FARS2: variants seen among roughly 807,000 people sequenced by gnomAD.
FARS2 encodes the protein phenylalanine--tRNA ligase, mitochondrial.
In FARS2, 40 loss-of-function variants were observed where a neutral mutation model predicts 46.4. That is an observed-to-expected ratio of 0.86 (90% confidence interval 0.67 to 1.12). The LOEUF (loss-of-function observed/expected upper bound fraction) is 1.12, where lower values mean the gene tolerates loss of function less well. Among genes scored for constraint, FARS2 ranks in the 50% most tolerant of loss-of-function variants. The probability of loss-of-function intolerance (pLI) is 0.00; values close to 1 mark genes in which losing one functional copy is unlikely to be tolerated. For synonymous variants in FARS2, 234 were observed against 214.9 expected, an observed-to-expected ratio of 1.09 and a Z score of -0.78; for missense variants, 513 against 567.9, an observed-to-expected ratio of 0.90 and a Z score of 0.98.
intron 4 of FARS2, among the ~76,000 whole-genome samples, chr6:5,448,037 C>G (rs544055668): frequency 3.0e-4 from 46 of 152,318 alleles, no homozygotes; most frequent in Non-Finnish European, 3.8e-4. Context: ...ATAGCACATT[C>G]AAAGATACAG....
At chr6:5,443,817 T>TA (rs1763976487) in intron 4 of FARS2, among the ~76,000 whole-genome samples, 1 of 152,252 alleles carries the variant, frequency 6.6e-6, no homozygotes, top group South Asian at 2.1e-4. Context: ...ATAGAATGCT[T>TA]AAGAGTCTCT....
At chr6:5,686,000 G>A (rs560675181) in intron 6 of FARS2, among the ~76,000 whole-genome samples, 2 of 152,270 alleles carry the variant, frequency 1.3e-5, no homozygotes, top group East Asian at 3.9e-4. Context: ...GGATTCCCAC[G>A]TGAAGGGTGA....
intron 6 of FARS2, among the ~76,000 whole-genome samples, chr6:5,655,026 G>T (rs1777543550): frequency 6.6e-6 from 1 of 152,186 alleles, no homozygotes; most frequent in African/African-American, 2.4e-5. Context: ...TACAAAATAT[G>T]TGTTAACCAT....
At position 5,432,528 on chromosome 6, in the gene FARS2, T is replaced by TATATA. The variant is rs59122142; in HGVS notation, c.904+1356_904+1357insATATA. On this transcript the variant is annotated intron_variant, in intron 4 of 6. Transcript: ENST00000274680. ...TTTATATCCCAATCATATATATATA[T>TATATA]TTTTTTTTTTCAGAGTATAAATCCT... is the stretch of plus-strand genomic sequence containing the variant. 1.6e-3 allele frequency among the ~76,000 whole-genome samples: 191 copies of TATATA among 121,744 alleles called. 3 individuals carry two copies. Among genetic ancestry groups the TATATA allele is most frequent in the African/African-American group, 6.4e-3 (183 of 28,782 alleles). 79.9% of individuals were successfully genotyped at this position (121,744 alleles called of 152,430 possible).
intron 1 of FARS2, among the ~76,000 whole-genome samples, chr6:5,345,350 T>C (rs1757161713): frequency 6.6e-6 from 1 of 152,218 alleles, no homozygotes; most frequent in African/African-American, 2.4e-5. Context: ...GGCAAGCTGC[T>C]ATTTTTGATT....
chr6:5,605,825 A>G (rs1309723564), intron 5 of FARS2, among the ~76,000 whole-genome samples: 1 of 152,248 alleles, frequency 6.6e-6, no homozygotes, highest in African/African-American at 2.4e-5. Flanking sequence ...AAAATTCTGA[A>G]TAAGAGGCAA....
At chr6:5,601,831 A>G (rs1774536421) in intron 5 of FARS2, among the ~76,000 whole-genome samples, 1 of 152,106 alleles carries the variant, frequency 6.6e-6, no homozygotes, top group Admixed American at 6.5e-5. Context: ...TCATATAATC[A>G]CAATCAAAAT....
chr6:5,334,223 A>G (rs935755563), intron 1 of FARS2, among the ~76,000 whole-genome samples: 1 of 152,200 alleles, frequency 6.6e-6, no homozygotes, highest in East Asian at 1.9e-4. Flanking sequence ...AAAATAGTTT[A>G]ATCACAGTGG....
intron 5 of FARS2, among the ~76,000 whole-genome samples, chr6:5,576,266 G>A (rs1772956320): frequency 6.6e-6 from 1 of 152,092 alleles, no homozygotes; most frequent in Admixed American, 6.6e-5. Flanking sequence ...CAGTGGGCTA[G>A]GAAAGGCAGA....
chr6:5,432,994 T>C (rs1763317189), intron 4 of FARS2, among the ~76,000 whole-genome samples: 1 of 152,140 alleles, frequency 6.6e-6, no homozygotes, highest in Non-Finnish European at 1.5e-5. Flanking sequence ...TTCATCCTGC[T>C]GAGGAAGCCT....
chr6:5,278,904 C>T (rs920548369), intron 1 of FARS2, among the ~76,000 whole-genome samples: 3 of 152,172 alleles, frequency 2.0e-5, no homozygotes, highest in Non-Finnish European at 4.4e-5. Flanking sequence ...CTTCAGGCAT[C>T]CTCAGGAGGC....
At chr6:5,257,984 A>C (rs1259081074), upstream of FARS2, among the ~76,000 whole-genome samples, 1 of 152,138 alleles carries the variant, frequency 6.6e-6, no homozygotes, top group African/African-American at 2.4e-5. Context: ...AGTTGGGAAA[A>C]CTTTTGTTCA....
chr6:5,389,266 G>T (rs12525112), intron 2 of FARS2, among the ~76,000 whole-genome samples: 34,642 of 151,948 alleles, frequency 0.23, 4,244 homozygotes, highest in East Asian at 0.49. Flanking sequence ...CACTGTGTTA[G>T]GCGAGTACTA....
At chr6:5,436,105 AC>A (rs1246797678) in intron 4 of FARS2, among the ~76,000 whole-genome samples, 6 of 152,220 alleles carry the variant, frequency 3.9e-5, no homozygotes, top group Non-Finnish European at 8.8e-5. Flanking sequence ...AGTATTCATA[AC>A]AGGGGTACCG....
intron 6 of FARS2, among the ~76,000 whole-genome samples, chr6:5,691,993 C>T (rs567579482): frequency 7.9e-5 from 12 of 152,186 alleles, no homozygotes; most frequent in Admixed American, 1.3e-4. Context: ...GAGCCAGGCG[C>T]GGGATATAAT....
intron 6 of FARS2, among the ~76,000 whole-genome samples, chr6:5,726,968 A>T (rs1219841049): frequency 6.6e-6 from 1 of 152,202 alleles, no homozygotes; most frequent in African/African-American, 2.4e-5. Context: ...CTTGGTTAAA[A>T]CAAGCACAGT....
At chr6:5,669,397 A>C (rs977379788) in intron 6 of FARS2, among the ~76,000 whole-genome samples, 19 of 151,144 alleles carry the variant, frequency 1.3e-4, no homozygotes, top group Admixed American at 5.9e-4. Context: ...GCTGCCTATA[A>C]AACCTTTTGT....
At chr6:5,378,469 G>A (rs528691167) in intron 2 of FARS2, among the ~76,000 whole-genome samples, 1 of 152,302 alleles carries the variant, frequency 6.6e-6, no homozygotes, top group Admixed American at 6.5e-5. Flanking sequence ...CTTTCCAGAT[G>A]GTTCACTGGA....
intron 6 of FARS2, among the ~76,000 whole-genome samples, chr6:5,664,001 A>G (rs1410783584): frequency 6.6e-6 from 1 of 152,228 alleles, no homozygotes. Flanking sequence ...CACAGCTCAG[A>G]TCTGTGGCCC....
Sources: gnomAD v4.1 joint callset for allele counts (sites outside exome capture counted in the v4.1 genomes callset) on GRCh38, gnomAD v4.1.1 for gene constraint, MANE v1.5 for transcripts, NCBI Gene and HGNC (gene_info 2026-07-23, HGNC 2026-07-21) for gene names.